TSC22D1: variants seen among roughly 807,000 people sequenced by gnomAD.
TSC22D1 encodes TSC22 domain family member 1.
A neutral mutation model predicts 74.2 loss-of-function variants in TSC22D1; 9 were observed. That is an observed-to-expected ratio of 0.12 (90% CI 0.07 to 0.21). TSC22D1 has a LOEUF of 0.21. TSC22D1 is among the 10% of genes least tolerant of loss of function. The pLI is 1.00. For synonymous variants in TSC22D1, 586 were observed against 492.5 expected (o/e 1.19, Z -2.51); for missense variants, 1,427 against 1,304.7 (o/e 1.09, Z -1.44).
intron 1 of TSC22D1, among the ~76,000 whole-genome samples, chr13:44,463,399 T>C (rs1466888724): frequency 6.6e-6 from 1 of 152,210 alleles, no homozygotes; most frequent in African/African-American, 2.4e-5. Context: ...TCCAGAATTA[T>C]AGAAATAGCA....
intron 1 of TSC22D1, among the ~76,000 whole-genome samples, chr13:44,563,989 A>C (rs1224567366): frequency 6.6e-6 from 1 of 152,220 alleles, no homozygotes; most frequent in South Asian, 2.1e-4. Flanking sequence ...CTTGGGGACA[A>C]GAACCATATT....
intron 1 of TSC22D1, among the ~76,000 whole-genome samples, chr13:44,529,271 T>G (rs9533895): frequency 6.6e-6 from 1 of 151,908 alleles, no homozygotes; most frequent in Non-Finnish European, 1.5e-5. Flanking sequence ...TGGTTTGACA[T>G]TCAAAAGTCA....
At chr13:44,527,404 G>C (rs1278568429) in intron 1 of TSC22D1, among the ~76,000 whole-genome samples, 1 of 151,992 alleles carries the variant, frequency 6.6e-6, no homozygotes, top group Non-Finnish European at 1.5e-5. Flanking sequence ...AGAAATAATT[G>C]GTAATGCTAT....
At chr13:44,493,504 C>T (rs1403586889) in intron 1 of TSC22D1, among the ~76,000 whole-genome samples, 1 of 152,186 alleles carries the variant, frequency 6.6e-6, no homozygotes, top group Non-Finnish European at 1.5e-5. Flanking sequence ...ACTGTTAAGG[C>T]ACACAAAAGA....
At chr13:44,439,839 T>A (rs1473607878) in intron 1 of TSC22D1, among the ~76,000 whole-genome samples, 1 of 152,224 alleles carries the variant, frequency 6.6e-6, no homozygotes, top group African/African-American at 2.4e-5. Flanking sequence ...TGTTTCTGTT[T>A]CCTGTAACAT....
At chr13:44,506,703 C>T (rs554613504) in intron 1 of TSC22D1, among the ~76,000 whole-genome samples, 1 of 152,232 alleles carries the variant, frequency 6.6e-6, no homozygotes, top group Non-Finnish European at 1.5e-5. Flanking sequence ...AGTGTTCTAC[C>T]ACTAAAGATT....
rs149708785 is a variant in TSC22D1 at position 44,573,662 on chromosome 13, C to T, written c.2413G>A (p.Gly805Arg). The T allele has an allele frequency of 1.2e-6, 2 of 1,614,222 alleles. No homozygotes were observed. The highest frequency in any genetic ancestry group is 1.7e-5 in the Admixed American group (1 of 60,036). Reference protein sequence around the residue: ...SLLTVPPQPQGVEPVAQGIVS... With the variant: ...SLLTVPPQPQRVEPVAQGIVS... ...ATTCCTTGAGCTACTGGTTCTACTC[C>T]TTGTGGCTGGGGAGGCACAGTTAAC... Residue 805 changes from glycine (G) to arginine (R), a missense_variant, in exon 1 of 3, where the codon GGA (glycine) becomes AGA (arginine). Physicochemically the swap from Gly to Arg is moderately radical, Grantham distance 125. This residue lies in a region of TSC22D1 where 1,343 missense variants were observed against 1,191.5 expected (regional missense o/e 1.13). Transcript: ENST00000458659.
At chr13:44,555,838 T>C (rs1882603996) in intron 1 of TSC22D1, among the ~76,000 whole-genome samples, 1 of 151,918 alleles carries the variant, frequency 6.6e-6, no homozygotes, top group Admixed American at 6.6e-5. Context: ...TGATATGGTA[T>C]TAAAATAATA....
chr13:44,504,795 AC>A (rs1879373196), intron 1 of TSC22D1, among the ~76,000 whole-genome samples: 1 of 152,216 alleles, frequency 6.6e-6, no homozygotes, highest in Admixed American at 6.5e-5. Context: ...ATCAACATCA[AC>A]AGCAAATTTT....
At chr13:44,448,144 T>C (rs2138897581) in intron 1 of TSC22D1, among the ~76,000 whole-genome samples, 1 of 152,284 alleles carries the variant, frequency 6.6e-6, no homozygotes, top group East Asian at 1.9e-4. Context: ...CAAGTTGTCC[T>C]GATTATGATT....
At position 44,574,663 on chromosome 13, in the gene TSC22D1, C is replaced by G. The variant is rs374490243; in HGVS notation, c.1412G>C (p.Ser471Thr). The change falls in exon 1 of 3, where the codon AGC becomes ACC. Residue 471 changes from serine to threonine, a missense_variant. Physicochemically the swap from Ser to Thr is moderately conservative, Grantham distance 58. Transcript: ENST00000458659. Reference sequence around the variant, plus strand: ...GTGACTCAGTGTGCTGACACTACTGCTCACTGAACTCCCACTAGTGCTCTC... The same window carrying G: ...GTGACTCAGTGTGCTGACACTACTGGTCACTGAACTCCCACTAGTGCTCTC... The part of the protein sequence containing the change: ...ERESTSGSSV[S>T]SSVSTLSHYT... 2.5e-4 allele frequency: 402 copies of G among 1,614,016 alleles called. No individual in the cohort carries two copies. The highest frequency in any genetic ancestry group is 6.6e-4 in the Middle Eastern group (4 of 6,084).
intron 1 of TSC22D1, among the ~76,000 whole-genome samples, chr13:44,522,852 C>T (rs1029895696): frequency 4.6e-5 from 7 of 151,742 alleles, no homozygotes; most frequent in East Asian, 3.9e-4. Flanking sequence ...AATTTTTCTT[C>T]TCTGTAAAAC....
intron 1 of TSC22D1, among the ~76,000 whole-genome samples, chr13:44,487,228 G>A (rs1319880346): frequency 6.6e-6 from 1 of 151,932 alleles, no homozygotes; most frequent in Non-Finnish European, 1.5e-5. Context: ...GCCAGGTGTG[G>A]TGGCTCACGC....
chr13:44,537,101 A>C (rs148877415), intron 1 of TSC22D1: 11,602 of 920,672 alleles, frequency 0.013, 75 homozygotes, highest in Non-Finnish European at 0.014. Context: ...CAGTAAGTGC[A>C]TTTTTTTCAT....
At chr13:44,536,210 C>A (rs917266537) in intron 1 of TSC22D1, among the ~76,000 whole-genome samples, 9 of 151,700 alleles carry the variant, frequency 5.9e-5, no homozygotes, top group African/African-American at 2.2e-4. Flanking sequence ...CTTTGGGGAG[C>A]CAAATTATTA....
intron 1 of TSC22D1, among the ~76,000 whole-genome samples, chr13:44,564,252 T>C (rs1281556392): frequency 2.6e-5 from 4 of 152,176 alleles, no homozygotes; most frequent in East Asian, 1.9e-4. Flanking sequence ...CTAATAGGCA[T>C]TGAAATAGGC....
chr13:44,529,723 T>C (rs1412698299), intron 1 of TSC22D1, among the ~76,000 whole-genome samples: 2 of 152,108 alleles, frequency 1.3e-5, no homozygotes, highest in Non-Finnish European at 2.9e-5. Context: ...CTAACACCTA[T>C]AGCAAGGTTG....
intron 1 of TSC22D1, among the ~76,000 whole-genome samples, chr13:44,464,845 C>A (rs1464071839): frequency 1.3e-5 from 2 of 152,218 alleles, no homozygotes; most frequent in Non-Finnish European, 1.5e-5. Flanking sequence ...TACTGCAGCG[C>A]CCCTGGTTTG....
rs191475647 is a variant in TSC22D1, at chr13:44,552,583, G to A, written c.2912+20580C>T. 1.4e-3 allele frequency among the ~76,000 whole-genome samples: 217 copies of A among 152,266 alleles called. 3 individuals are homozygous for A. The highest frequency in any genetic ancestry group is 0.012 in the Admixed American group (185 of 15,304). On this transcript the variant is annotated intron_variant, in intron 1 of 2. Coordinates refer to ENST00000458659, the MANE Select transcript of TSC22D1 (RefSeq NM_183422.4). ...AAGAGCCTGCAAATATGTCAGTGCC[G>A]CACTTCTCAAAATGTGTTCTTTAAC...
Sources: gnomAD v4.1 joint callset for allele counts (sites outside exome capture counted in the v4.1 genomes callset) on GRCh38, gnomAD v4.1.1 for gene constraint, gnomAD v4.1.1 regional missense constraint, MANE v1.5 for transcripts, NCBI Gene and HGNC (gene_info 2026-07-23, HGNC 2026-07-21) for gene names.